Variants in GRK4 observed in about 807,000 individuals in gnomAD.
GRK4 encodes the protein G protein-coupled receptor kinase 2-like.
Under a neutral mutation model 77.9 loss-of-function variants are expected in GRK4, and 73 were observed. The observed-to-expected ratio is 0.94, with a 90% CI of 0.78 to 1.14. The LOEUF (loss-of-function observed/expected upper bound fraction) is 1.14. Among genes scored for constraint, GRK4 ranks in the 50% most tolerant of loss-of-function variants. The pLI, the probability that GRK4 is intolerant of heterozygous loss-of-function variation, is 0.00. For missense variants in GRK4, 729 were observed against 700.2 expected (o/e 1.04, Z -0.46); for synonymous variants, 257 against 254.4 (o/e 1.01, Z -0.10).
chr4:2,992,252 A>C lies in GRK4; in HGVS notation c.299A>C (p.Asp100Ala). The C allele has an allele frequency of 6.2e-7, 1 of 1,610,862 alleles. No homozygotes were observed. The change falls in exon 4 of 16, where the codon GAT becomes GCT. Residue 100 changes from aspartate to alanine, a missense_variant. Physicochemically the swap from Asp to Ala is moderately radical, Grantham distance 126. Transcript: ENST00000398052. ...GTTGCCGATGATGAGGACCGAAGTG[A>C]TTGTGGACTGTCAATCTTAGATAGA... The part of the protein sequence containing the change: ...YEVADDEDRS[D>A]CGLSILDRFF...
intron 1 of GRK4, among the ~76,000 whole-genome samples, chr4:2,976,008 GATAAGGAGGTC>G (rs921967590): frequency 6.6e-6 from 1 of 152,168 alleles, no homozygotes; most frequent in African/African-American, 2.4e-5. Context: ...TAGCCAGCAT[GATAAGGAGGTC>G]CCCTCTGCTT....
At chr4:3,037,272 G>A (rs1178914790) in intron 13 of GRK4, 102 bp from the exon 14 acceptor site, 57 of 1,110,492 alleles carry the variant, frequency 5.1e-5, no homozygotes, top group Non-Finnish European at 6.2e-5. Flanking sequence ...GGAGAGTGGC[G>A]GTGTTTATGC....
At chr4:2,994,732 T>C (rs1213184165) in intron 4 of GRK4, among the ~76,000 whole-genome samples, 1 of 152,248 alleles carries the variant, frequency 6.6e-6, no homozygotes, top group African/African-American at 2.4e-5. Context: ...TAGTCTGTTT[T>C]GTGCTGCTGT....
intron 15 of GRK4, 67 bp downstream of exon 15, chr4:3,038,580 AGGTG>A: frequency 2.0e-6 from 3 of 1,526,012 alleles, no homozygotes; most frequent in Non-Finnish European, 2.7e-6. Flanking sequence ...CTGACTGCCA[AGGTG>A]AAAACCTGGT....
chr4:2,970,697 TCTCG>T (rs1470444053), intron 1 of GRK4, among the ~76,000 whole-genome samples: 1 of 151,078 alleles, frequency 6.6e-6, no homozygotes, highest in African/African-American at 2.4e-5. Flanking sequence ...GGGGGGTCAG[TCTCG>T]CTCTGTCGCC....
chr4:2,994,772 G>A (rs1313540667), intron 4 of GRK4, among the ~76,000 whole-genome samples: 1 of 152,106 alleles, frequency 6.6e-6, no homozygotes, highest in African/African-American at 2.4e-5. Context: ...GGTAATTTAT[G>A]TATTTATTTA....
At chr4:3,017,023 C>G (rs1001091436) in intron 8 of GRK4, among the ~76,000 whole-genome samples, 1 of 152,260 alleles carries the variant, frequency 6.6e-6, no homozygotes, top group Non-Finnish European at 1.5e-5. Context: ...AATGCCTCTC[C>G]CTGGAGCCCT....
At chr4:3,022,296 G>A (rs1234412198) in intron 9 of GRK4, 118 bp from the exon 10 acceptor site, 2 of 835,894 alleles carry the variant, frequency 2.4e-6, no homozygotes, top group Non-Finnish European at 2.0e-6. Context: ...GGCTCATGAA[G>A]GGCAGTTTCG....
In GRK4 at chr4:3,033,862, G is replaced by A. The variant is rs150659733; in HGVS notation, c.1270-1524G>A. Among the ~76,000 whole-genome samples the A allele has an allele frequency of 1.8e-3, 269 of 152,274 alleles. 2 individuals carry two copies. The highest frequency in any genetic ancestry group is 3.6e-3 in the Admixed American group (55 of 15,280). Reference sequence around the variant, plus strand: ...GGCCTCCCAAAATGCTGGGATTACGGGCATGAGCCACTGCGCCCGGTCTTC... The same window carrying A: ...GGCCTCCCAAAATGCTGGGATTACGAGCATGAGCCACTGCGCCCGGTCTTC... On this transcript the variant is annotated intron_variant, in intron 12 of 15. Coordinates refer to ENST00000398052, the MANE Select transcript of GRK4 (RefSeq NM_182982.3).
At chr4:3,040,476 C>T (rs1742098007) in intron 15 of GRK4, 96 bp from the exon 16 acceptor site, 21 of 842,100 alleles carry the variant, frequency 2.5e-5, no homozygotes, top group Middle Eastern at 2.3e-4. Context: ...TAAAAAAGCA[C>T]CCCCCACCCA....
At chr4:3,037,283 G>A (rs189169403) in intron 13 of GRK4, 91 bp from the exon 14 acceptor site, 149 of 1,289,542 alleles carry the variant, frequency 1.2e-4, no homozygotes, top group African/African-American at 7.2e-4. Flanking sequence ...GTGTTTATGC[G>A]TCAGTTTGCT....
intron 7 of GRK4, among the ~76,000 whole-genome samples, chr4:3,013,103 G>T (rs1309583977): frequency 6.6e-6 from 1 of 151,892 alleles, no homozygotes; most frequent in African/African-American, 2.4e-5. Flanking sequence ...GAGTGCAGTG[G>T]CGCGATCTCG....
intron 4 of GRK4, among the ~76,000 whole-genome samples, chr4:2,994,259 G>A (rs1374899538): frequency 1.3e-5 from 2 of 152,152 alleles, no homozygotes; most frequent in Non-Finnish European, 2.9e-5. Flanking sequence ...TGTGCAGGTT[G>A]GAGTGCAGTG....
intron 7 of GRK4, among the ~76,000 whole-genome samples, chr4:3,009,930 G>C (rs1219571983): frequency 2.6e-5 from 4 of 152,182 alleles, no homozygotes; most frequent in Non-Finnish European, 5.9e-5. Context: ...TTACCTCATA[G>C]TTCTGAAGAA....
rs71644371 is a variant in GRK4, at chr4:2,990,246, C to CTT, written c.261+1433_261+1434dup. Among the ~76,000 whole-genome samples, 589 of 70,736 alleles carry CTT rather than the reference C, an allele frequency of 8.3e-3. 1 individual carries two copies. The highest frequency in any genetic ancestry group is 0.01 in the Middle Eastern group (1 of 98). 46.4% of individuals were successfully genotyped at this position (70,736 alleles called of 152,430 possible). On this transcript the variant is annotated intron_variant, in intron 3 of 15. Transcript: ENST00000398052. Reference sequence around the variant, plus strand: ...TAAGGTGATTCTTCTTCTTCTTCTTCTTTTTTTTTTTTTTTTTTTTTTTTT... The same window carrying CTT: ...TAAGGTGATTCTTCTTCTTCTTCTTCTTTTTTTTTTTTTTTTTTTTTTTTTTT...
rs564991905 is a variant in GRK4, at chr4:3,033,926, C to T, written c.1270-1460C>T. Among the ~76,000 whole-genome samples, 18 of 152,298 alleles carry T rather than the reference C, an allele frequency of 1.2e-4. No individual in the cohort carries two copies. In the South Asian group the frequency reaches 2.7e-3, roughly 23 times the overall value. ...ATTAACAAAGCATGCAAAGAATAAA[C>T]GCATTGAGCAACTGTTACTGAGCGC... On this transcript the variant is annotated intron_variant, in intron 12 of 15. Coordinates refer to ENST00000398052, the MANE Select transcript of GRK4 (RefSeq NM_182982.3).
chr4:3,006,805 T>G (rs1385935146), intron 5 of GRK4, among the ~76,000 whole-genome samples: 1 of 152,020 alleles, frequency 6.6e-6, no homozygotes, highest in African/African-American at 2.4e-5. Flanking sequence ...TGGCTCCATT[T>G]GATTGCTTCT....
chr4:3,016,135 C>G (rs1298718892), intron 8 of GRK4, among the ~76,000 whole-genome samples: 1 of 149,634 alleles, frequency 6.7e-6, no homozygotes, highest in Non-Finnish European at 1.5e-5. Flanking sequence ...GTCTCAAACT[C>G]CTGACCTTGT....
intron 7 of GRK4, among the ~76,000 whole-genome samples, chr4:3,013,146 C>T (rs1265670298): frequency 2.0e-5 from 3 of 151,842 alleles, no homozygotes; most frequent in East Asian, 2.0e-4. Flanking sequence ...CGGGTTTAAG[C>T]GATTCTCCTG....
Sources: gnomAD v4.1 joint callset for allele counts (sites outside exome capture counted in the v4.1 genomes callset) on GRCh38, gnomAD v4.1.1 for gene constraint, MANE v1.5 for transcripts, NCBI Gene and HGNC (gene_info 2026-07-23, HGNC 2026-07-21) for gene names.